TPO: variants seen among roughly 807,000 people sequenced by gnomAD.
TPO encodes thyroid peroxidase.
In TPO, 78 loss-of-function variants were observed where a neutral mutation model predicts 96.9. The observed-to-expected ratio is 0.81, with a 90% CI of 0.67 to 0.97. TPO has a LOEUF of 0.97. Among genes scored for constraint, TPO ranks in the 50% least tolerant of loss-of-function variants. The pLI is 0.00. For missense variants in TPO, 1,252 were observed against 1,274.8 expected, an observed-to-expected ratio of 0.98 and a Z score of 0.27; for synonymous variants, 547 against 538.0, an observed-to-expected ratio of 1.02 and a Z score of -0.23.
At chr2:1,457,566 A>G (rs1244089281) in intron 7 of TPO, among the ~76,000 whole-genome samples, 1 of 149,696 alleles carries the variant, frequency 6.7e-6, no homozygotes, top group Non-Finnish European at 1.5e-5. Flanking sequence ...AGATGTGTAC[A>G]TAGCATGTAT....
chr2:1,407,806 G>A (rs1662269356), intron 1 of TPO, among the ~76,000 whole-genome samples: 1 of 152,160 alleles, frequency 6.6e-6, no homozygotes, highest in South Asian at 2.1e-4. Flanking sequence ...TTACATCAAG[G>A]AAGATTCCAT....
chr2:1,535,375 C>G (rs1238242174), intron 15 of TPO, among the ~76,000 whole-genome samples: 1 of 82,998 alleles, frequency 1.2e-5, no homozygotes, highest in African/African-American at 4.3e-5. Flanking sequence ...TGTGCAACCT[C>G]CTCAAATCTC....
intron 3 of TPO, among the ~76,000 whole-genome samples, chr2:1,423,481 G>A (rs984500956): frequency 6.6e-6 from 1 of 152,156 alleles, no homozygotes; most frequent in Admixed American, 6.5e-5. Flanking sequence ...GATCTTTGGT[G>A]TTGTGATATA....
chr2:1,413,572 C>G (rs1286314966), intron 1 of TPO, 27 bp downstream of exon 1: 1 of 750,320 alleles, frequency 1.3e-6, no homozygotes, highest in African/African-American at 1.9e-5. Context: ...TTTTATTTTT[C>G]CATTTTCTAA....
chr2:1,413,977 G>T (rs578066967), intron 1 of TPO, among the ~76,000 whole-genome samples: 1 of 152,194 alleles, frequency 6.6e-6, no homozygotes, highest in South Asian at 2.1e-4. Context: ...GCATTTAGGG[G>T]TTTTATTTAT....
At chr2:1,496,311 G>T (rs532905645) in intron 12 of TPO, 114 bp downstream of exon 12, 2 of 1,071,546 alleles carry the variant, frequency 1.9e-6, no homozygotes, top group East Asian at 4.2e-5. Flanking sequence ...TAGTGTCAAC[G>T]CCCTGCCTTA....
Position 1,516,903 on chromosome 2 carries a change from G to A in TPO, c.2539G>A (p.Val847Met), listed in dbSNP as rs1012881283. The change falls in exon 15 of 17, where the codon GTG becomes ATG. Residue 847 changes from valine to methionine, a missense_variant. By Grantham distance (21) the Val-to-Met change is conservative (BLOSUM62 1). Transcript: ENST00000329066. ...TCVDSGRLPR[V>M]TWISMSLAAL... Reference sequence around the variant, plus strand: ...CCCAGACTCCGGGAGGCTCCCTCGGGTGACTTGGATCTCCATGTCGCTGGC... The same window carrying A: ...CCCAGACTCCGGGAGGCTCCCTCGGATGACTTGGATCTCCATGTCGCTGGC... 2.5e-6 allele frequency: 4 copies of A among 1,613,986 alleles called. No individual in the cohort carries two copies. The highest frequency in any genetic ancestry group is 1.3e-5 in the African/African-American group (1 of 75,066).
intron 1 of TPO, among the ~76,000 whole-genome samples, chr2:1,403,132 T>C (rs1367584678): frequency 6.6e-6 from 1 of 152,252 alleles, no homozygotes; most frequent in African/African-American, 2.4e-5. Context: ...AAGCCCTTTT[T>C]TTAAGTGGTG....
chr2:1,415,272 C>T (rs1391881277), intron 2 of TPO, among the ~76,000 whole-genome samples: 3 of 126,618 alleles, frequency 2.4e-5, no homozygotes, highest in East Asian at 2.6e-4. Context: ...GACACAGTCC[C>T]GGGGCCCCTG....
rs193176216 is a variant in TPO at position 1,450,649 on chromosome 2, C to T, written c.483-3045C>T. On this transcript the variant is annotated intron_variant, in intron 5 of 16. Transcript: ENST00000329066. ...CTGCTGACCTGCTGACCGTGAAGGT[C>T]AGGTGACACATTTGCGGAGGGTCCA... 5.3e-4 allele frequency among the ~76,000 whole-genome samples: 81 copies of T among 152,252 alleles called. 1 individual carries two copies. The highest frequency in any genetic ancestry group is 1.2e-3 in the East Asian group (6 of 5,174).
At chr2:1,400,782 T>C (rs1662156388) in intron 1 of TPO, among the ~76,000 whole-genome samples, 1 of 152,176 alleles carries the variant, frequency 6.6e-6, no homozygotes, top group South Asian at 2.1e-4. Context: ...AAAATTAACT[T>C]CATGTGGAGT....
intron 7 of TPO, among the ~76,000 whole-genome samples, chr2:1,463,220 C>T: frequency 6.6e-6 from 1 of 152,094 alleles, no homozygotes; most frequent in Non-Finnish European, 1.5e-5. Context: ...TTAAGAGTGT[C>T]CATCAATTAT....
At chr2:1,511,060 T>C (rs553773565) in intron 14 of TPO, among the ~76,000 whole-genome samples, 2 of 152,350 alleles carry the variant, frequency 1.3e-5, no homozygotes, top group African/African-American at 2.4e-5. Context: ...TAGATACACA[T>C]ATAGATTCAG....
chr2:1,459,852 G>C (rs994306354), intron 7 of TPO, among the ~76,000 whole-genome samples: 1 of 152,144 alleles, frequency 6.6e-6, no homozygotes, highest in African/African-American at 2.4e-5. Flanking sequence ...GGAGACAGGG[G>C]GCCCCTTGCT....
At chr2:1,523,354 C>A (rs1282669606) in intron 15 of TPO, among the ~76,000 whole-genome samples, 3 of 110,466 alleles carry the variant, frequency 2.7e-5, no homozygotes, top group East Asian at 3.6e-4. Flanking sequence ...TTCCCTAAAT[C>A]CCCCCACTGT....
chr2:1,408,086 C>A lies in TPO; in HGVS notation n.180+33684C>A, dbSNP rs80115188. On this transcript the variant is annotated intron_variant and non_coding_transcript_variant, in intron 1 of 5. Transcript: ENST00000497517. ...AAAGGGACTTGAGCACTACTTGGGCCTTCTGACGCCAGAGTTACAGAATGC... is the reference window on the plus strand; with the variant it reads ...AAAGGGACTTGAGCACTACTTGGGCATTCTGACGCCAGAGTTACAGAATGC... Among the ~76,000 whole-genome samples the A allele has an allele frequency of 2.5e-3, 377 of 152,328 alleles. 3 individuals are homozygous for A. Among genetic ancestry groups the A allele is most frequent in the Middle Eastern group, 0.01 (3 of 294 alleles).
intron 5 of TPO, among the ~76,000 whole-genome samples, chr2:1,448,712 T>C (rs1471779081): frequency 2.0e-5 from 3 of 152,132 alleles, no homozygotes; most frequent in Non-Finnish European, 2.9e-5. Context: ...TGGCTGGAGA[T>C]TGATTGACGT....
rs1479220524 is a variant in TPO at position 1,540,669 on chromosome 2, G to T, written c.2694G>T (p.Lys898Asn). The change falls in exon 16 of 17, where the codon AAG (lysine) becomes AAT (asparagine). Residue 898 changes from lysine (K) to asparagine (N), a missense_variant. Physicochemically the swap from Lys to Asn is moderately conservative, Grantham distance 94 (BLOSUM62 0). Transcript: ENST00000329066. ...GGGTPELRCG[K>N]HQAVGTSPQR... ...GAACTCCCGAGCTGAGATGCGGAAA[G>T]CACCAGGCCGTAGGGACCTCACCGC... 1.9e-6 allele frequency: 3 copies of T among 1,613,444 alleles called. No individual in the cohort carries two copies. The highest frequency in any genetic ancestry group is 2.5e-6 in the Non-Finnish European group (3 of 1,180,024).
intron 15 of TPO, among the ~76,000 whole-genome samples, chr2:1,536,636 C>T (rs1382923698): frequency 4.5e-5 from 1 of 22,182 alleles, no homozygotes. Context: ...TGAAACCTCC[C>T]CAAATCCCCC....
Sources: gnomAD v4.1 joint callset for allele counts (sites outside exome capture counted in the v4.1 genomes callset) on GRCh38, gnomAD v4.1.1 for gene constraint, MANE v1.5 for transcripts, NCBI Gene and HGNC (gene_info 2026-07-23, HGNC 2026-07-21) for gene names.